Variants in ELMO1 observed in about 807,000 individuals in gnomAD.
The protein encoded by ELMO1 is engulfment and cell motility 1.
In ELMO1, 26 loss-of-function variants were observed where a neutral mutation model predicts 98.9. The observed-to-expected ratio is 0.26, with a 90% CI of 0.19 to 0.36. The LOEUF is 0.36. Among genes scored for constraint, ELMO1 ranks in the 10% least tolerant of loss-of-function variants. ELMO1 has a pLI of 1.00. For synonymous variants in ELMO1, 346 were observed against 346.0 expected, an observed-to-expected ratio of 1.00 and a Z score of 0.00; for missense variants, 627 against 935.2, an observed-to-expected ratio of 0.67 and a Z score of 4.30.
chr7:37,293,085 A>T, intron 4 of ELMO1, among the ~76,000 whole-genome samples: 1 of 9,654 alleles, frequency 1.0e-4, no homozygotes, highest in East Asian at 2.1e-3. Flanking sequence ...CCCGTCCGGG[A>T]GGGAGGTGGG....
In ELMO1 at chr7:37,147,550, G is replaced by A. The variant is rs569616243; in HGVS notation, c.1087-14316C>T. The stretch of plus-strand genomic sequence containing the variant: ...CTGAAACCAAGCAGAGTCCATGACC[G>A]TTCAATTTATCAACTAAGAGTTGGA... On this transcript the variant is annotated intron_variant, in intron 13 of 21. Coordinates refer to ENST00000310758, the MANE Select transcript of ELMO1 (RefSeq NM_014800.11). Among the ~76,000 whole-genome samples, 11 of 152,298 alleles carry A rather than the reference G, an allele frequency of 7.2e-5. 1 individual carries two copies. The South Asian group carries it at 1.2e-3, about 17-fold the overall frequency.
At position 36,939,286 on chromosome 7, in the gene ELMO1, G is replaced by A. The variant is rs1334968983; in HGVS notation, c.1438-44269C>T. Among the ~76,000 whole-genome samples, 7 of 149,946 alleles carry A rather than the reference G, an allele frequency of 4.7e-5. No individual in the cohort carries two copies. The East Asian group carries it at 9.7e-4, about 21-fold the overall frequency. On this transcript the variant is annotated intron_variant, in intron 16 of 21. Coordinates refer to ENST00000310758, the MANE Select transcript of ELMO1 (RefSeq NM_014800.11). ...TAACCTAGTCAGGCTGGGGGCTCAA[G>A]TACTCATAGAAGACTTAACCTAGTC...
chr7:37,327,054 A>T (rs992666946), intron 2 of ELMO1, among the ~76,000 whole-genome samples: 1 of 152,210 alleles, frequency 6.6e-6, no homozygotes, highest in Non-Finnish European at 1.5e-5. Flanking sequence ...ATTTCCTTAT[A>T]TCTGACAGCA....
chr7:37,251,208 G>A (rs1795330278), intron 6 of ELMO1, among the ~76,000 whole-genome samples: 1 of 152,044 alleles, frequency 6.6e-6, no homozygotes, highest in African/African-American at 2.4e-5. Flanking sequence ...GAAATGTTTT[G>A]ATATCCATCT....
intron 13 of ELMO1, among the ~76,000 whole-genome samples, chr7:37,145,943 C>T (rs888922376): frequency 1.3e-5 from 2 of 152,196 alleles, no homozygotes; most frequent in African/African-American, 4.8e-5. Context: ...ATGCCTCCCT[C>T]TCCTCACCTC....
intron 13 of ELMO1, among the ~76,000 whole-genome samples, chr7:37,170,653 A>C (rs1790089165): frequency 7.2e-6 from 1 of 139,630 alleles, no homozygotes; most frequent in African/African-American, 2.7e-5. Context: ...TCTGTCACCC[A>C]GGCAGGAGTA....
intron 16 of ELMO1, among the ~76,000 whole-genome samples, chr7:36,942,475 TTC>T (rs1231294694): frequency 2.0e-5 from 3 of 152,190 alleles, no homozygotes; most frequent in African/African-American, 7.2e-5. Context: ...AAGCAACATT[TTC>T]TCTGTCTCAG....
chr7:37,405,981 G>T (rs1803741359), intron 1 of ELMO1, among the ~76,000 whole-genome samples: 2 of 152,114 alleles, frequency 1.3e-5, no homozygotes, highest in African/African-American at 4.8e-5. Context: ...GTAATTCCCA[G>T]TCCACCGCAG....
At chr7:37,181,927 C>A (rs188885051) in intron 13 of ELMO1, among the ~76,000 whole-genome samples, 5 of 152,286 alleles carry the variant, frequency 3.3e-5, no homozygotes, top group Admixed American at 2.0e-4. Context: ...ACAGAATACA[C>A]ATAAAACTCC....
intron 16 of ELMO1, among the ~76,000 whole-genome samples, chr7:36,936,957 C>T (rs1424820890): frequency 6.6e-6 from 1 of 152,142 alleles, no homozygotes; most frequent in Admixed American, 6.5e-5. Flanking sequence ...CACTGCTTCA[C>T]CTCAATTAGG....
At chr7:37,217,764 C>T (rs760001619) in intron 10 of ELMO1, 36 of 456,914 alleles carry the variant, frequency 7.9e-5, no homozygotes, top group Admixed American at 2.6e-4. Flanking sequence ...AACCTAACGG[C>T]GTCATCGCCA....
At position 37,259,227 on chromosome 7, in the gene ELMO1, G is replaced by C. The variant is rs748317146; in HGVS notation, c.367C>G (p.Leu123Val). ...DVTFAQEFIN[L>V]DGISLLTQMV... is the part of the protein sequence containing the mutation. ...TGCGTGAGGAGAGAGATACCGTCCA[G>C]GTTTATAAACTCCTGGGCAAACGTG... The change falls in exon 6 of 22, where the codon CTG becomes GTG. Residue 123 changes from leucine to valine, a missense_variant. Leu to Val is a conservative substitution (Grantham distance 32). Transcript: ENST00000310758. The C allele has an allele frequency of 1.2e-6, 2 of 1,614,118 alleles. No individual in the cohort carries two copies. The highest frequency in any genetic ancestry group is 1.7e-6 in the Non-Finnish European group (2 of 1,180,018).
chr7:37,311,009 C>G (rs1319753546), intron 4 of ELMO1, among the ~76,000 whole-genome samples: 1 of 149,746 alleles, frequency 6.7e-6, no homozygotes, highest in Non-Finnish European at 1.5e-5. Context: ...TTCTCTCCCT[C>G]TCTCTCTCTC....
intron 15 of ELMO1, among the ~76,000 whole-genome samples, chr7:37,035,760 G>T (rs1795140820): frequency 6.6e-6 from 1 of 152,286 alleles, no homozygotes; most frequent in Non-Finnish European, 1.5e-5. Flanking sequence ...AACTATGAGA[G>T]ATCATTTTTC....
At chr7:37,162,627 A>T (rs942094116) in intron 13 of ELMO1, among the ~76,000 whole-genome samples, 2 of 152,230 alleles carry the variant, frequency 1.3e-5, no homozygotes, top group African/African-American at 4.8e-5. Context: ...AAGTGAAAAA[A>T]TTTTTTAAAG....
At chr7:37,161,944 T>C (rs1260828494) in intron 13 of ELMO1, among the ~76,000 whole-genome samples, 2 of 38,400 alleles carry the variant, frequency 5.2e-5, no homozygotes, top group Admixed American at 6.2e-4. Context: ...ATGTTAAGCG[T>C]GATGTAATCT....
chr7:37,440,666 G>A (rs1805375889), intron 1 of ELMO1, among the ~76,000 whole-genome samples: 1 of 151,752 alleles, frequency 6.6e-6, no homozygotes, highest in Non-Finnish European at 1.5e-5. Flanking sequence ...TTACTCAGGA[G>A]GCTGAGGCAG....
chr7:37,329,673 A>G (rs1583561992), intron 2 of ELMO1, among the ~76,000 whole-genome samples: 1 of 152,176 alleles, frequency 6.6e-6, no homozygotes, highest in East Asian at 1.9e-4. Context: ...AAGTCCACCT[A>G]AACAGTCCTC....
intron 16 of ELMO1, among the ~76,000 whole-genome samples, chr7:36,974,022 C>T (rs564954128): frequency 2.0e-5 from 3 of 152,248 alleles, no homozygotes; most frequent in Non-Finnish European, 4.4e-5. Flanking sequence ...GAGCCTCCCC[C>T]CCACTCCGTG....
Sources: allele counts gnomAD v4.1 joint callset (sites outside exome capture counted in the v4.1 genomes callset), GRCh38; gene constraint gnomAD v4.1.1; transcripts MANE v1.5; gene names NCBI Gene and HGNC (gene_info 2026-07-23, HGNC 2026-07-21).